Variants in GTF2IRD1 observed in about 807,000 individuals in gnomAD.
GTF2IRD1 encodes the protein GTF2I repeat domain containing 1, also known as general transcription factor II-I repeat domain-containing protein 1.
In GTF2IRD1, 26 loss-of-function variants were observed where a neutral mutation model predicts 113.2. The observed-to-expected ratio is 0.23, with a 90% CI of 0.17 to 0.32. The LOEUF (loss-of-function observed/expected upper bound fraction) is 0.32. Among genes scored for constraint, GTF2IRD1 ranks in the 10% least tolerant of loss-of-function variants. The probability of loss-of-function intolerance (pLI) is 1.00; values close to 1 mark genes in which losing one functional copy is unlikely to be tolerated. For missense variants in GTF2IRD1, 864 were observed against 1,280.8 expected (o/e 0.67, Z 4.97); for synonymous variants, 484 against 529.1 (o/e 0.91, Z 1.17).
At chr7:74,480,103 C>T (rs1794649856) in intron 1 of GTF2IRD1, among the ~76,000 whole-genome samples, 1 of 152,064 alleles carries the variant, frequency 6.6e-6, no homozygotes, top group Non-Finnish European at 1.5e-5. Flanking sequence ...CTTGTATACT[C>T]ATGTAACCAT....
chr7:74,455,297 G>A (rs1282461963), intron 1 of GTF2IRD1, among the ~76,000 whole-genome samples: 1 of 152,210 alleles, frequency 6.6e-6, no homozygotes, highest in East Asian at 1.9e-4. Context: ...GCAGGCCCCC[G>A]CAGTTTTTGG....
intron 24 of GTF2IRD1, among the ~76,000 whole-genome samples, chr7:74,591,332 T>C (rs1802048089): frequency 6.6e-6 from 1 of 150,550 alleles, no homozygotes; most frequent in Admixed American, 6.6e-5. Flanking sequence ...ATATTTATTA[T>C]ATATTTTAGA....
In GTF2IRD1 at chr7:74,515,342, C is replaced by T. The variant is rs1171374408; in HGVS notation, c.266-99C>T. ...TTCACTTGTGTATCACATTGTGTGC[C>T]AGTCTCCGCAGCTCAGCACAGGGCA... On this transcript the variant is annotated intron_variant, in intron 3 of 26. Transcript: ENST00000424337. 5 of 1,533,114 alleles carry T rather than the reference C, an allele frequency of 3.3e-6. No individual in the cohort carries two copies. In the African/African-American group the frequency reaches 6.8e-5, roughly 21 times the overall value. 95.0% of individuals were successfully genotyped at this position (1,533,114 alleles called of 1,614,324 possible). A position where few individuals can be genotyped will look rare whatever the true frequency, so the allele number is the denominator to read the frequency against.
chr7:74,515,538 TGGC>T lies in GTF2IRD1; in HGVS notation c.364_366del (p.Gly122del). 1 of 1,613,864 alleles carries T rather than the reference TGGC, an allele frequency of 6.2e-7. No individual in the cohort carries two copies. The highest frequency in any genetic ancestry group is 1.1e-5 in the South Asian group (1 of 91,064). ...GCCTCCCTCGGTCCTCCCTGGAACA[TGGC>T]TCAGATGTGTACCTTCTGCGGAAGA... is the stretch of plus-strand genomic sequence containing the variant. On this transcript the variant is annotated inframe_deletion, in exon 4 of 27. Coordinates refer to ENST00000424337, the MANE Select transcript of GTF2IRD1 (RefSeq NM_005685.4).
chr7:74,568,075 C>T (rs1554361244), intron 22 of GTF2IRD1, among the ~76,000 whole-genome samples: 1 of 150,982 alleles, frequency 6.6e-6, no homozygotes, highest in African/African-American at 2.5e-5. Context: ...ATATGACCCA[C>T]CACACCCAGC....
At position 74,601,030 on chromosome 7, in the gene GTF2IRD1, TC is replaced by T; in HGVS notation, c.2630-10del. ...TCAGCTTCCAGTGTCAACAGCCTTTTCCCCTCCTTCCAGCCAAAGACAGCAG... is the reference window on the plus strand; with the variant it reads ...TCAGCTTCCAGTGTCAACAGCCTTTTCCCTCCTTCCAGCCAAAGACAGCAG... On this transcript the variant is annotated splice_polypyrimidine_tract_variant and intron_variant, in intron 25 of 26. Transcript: ENST00000424337. The T allele has an allele frequency of 6.2e-7, 1 of 1,613,908 alleles. No homozygotes were observed. Among genetic ancestry groups the T allele is most frequent in the South Asian group, 1.1e-5 (1 of 91,060 alleles).
At chr7:74,569,328 T>A (rs1458439585) in intron 22 of GTF2IRD1, among the ~76,000 whole-genome samples, 1 of 152,196 alleles carries the variant, frequency 6.6e-6, no homozygotes, top group Non-Finnish European at 1.5e-5. Context: ...AGGTGGGTGC[T>A]GTTGTCCTTC....
intron 9 of GTF2IRD1, among the ~76,000 whole-genome samples, chr7:74,530,494 T>C: frequency 1.5e-5 from 1 of 65,992 alleles, no homozygotes; most frequent in Non-Finnish European, 2.8e-5. Flanking sequence ...CACTTTGTAA[T>C]TTTTTTTTTT....
intron 1 of GTF2IRD1, among the ~76,000 whole-genome samples, chr7:74,470,404 C>G (rs1398554249): frequency 2.6e-5 from 4 of 152,184 alleles, no homozygotes; most frequent in Non-Finnish European, 4.4e-5. Flanking sequence ...CCTGTTACCT[C>G]ATTAGCAGTC....
At chr7:74,534,034 A>G (rs1182483847) in intron 9 of GTF2IRD1, among the ~76,000 whole-genome samples, 1 of 151,990 alleles carries the variant, frequency 6.6e-6, no homozygotes, top group Non-Finnish European at 1.5e-5. Flanking sequence ...AACTCAAAAA[A>G]AAAAAAAAGG....
In GTF2IRD1 at chr7:74,583,614, A is replaced by G. The variant is rs181873206; in HGVS notation, c.2321-6237A>G. 4.5e-3 allele frequency among the ~76,000 whole-genome samples: 681 copies of G among 151,792 alleles called. 7 individuals are homozygous for G. The highest frequency in any genetic ancestry group is 4.1e-3 in the Non-Finnish European group (277 of 67,944). Reference sequence around the variant, plus strand: ...GCCAGCCCGGCCCCACTTTCCTGACATGCACACTCCCACCACTTCTGGTCC... The same window carrying G: ...GCCAGCCCGGCCCCACTTTCCTGACGTGCACACTCCCACCACTTCTGGTCC... On this transcript the variant is annotated intron_variant, in intron 22 of 26. Transcript: ENST00000424337.
rs186229440 is a variant in GTF2IRD1 at position 74,483,269 on chromosome 7, A to C, written c.-6-24806A>C. 3.3e-5 allele frequency among the ~76,000 whole-genome samples: 5 copies of C among 152,284 alleles called. No individual in the cohort carries two copies. The East Asian group carries it at 9.6e-4, about 29-fold the overall frequency. The stretch of plus-strand genomic sequence containing the variant: ...TTAAGATCTTATTTAGGCCGGTCAC[A>C]GTGGCTCATTCCTGTAATCCCAGCA... On this transcript the variant is annotated intron_variant, in intron 1 of 26. Transcript: ENST00000424337.
chr7:74,562,178 G>A (rs1800007665), intron 22 of GTF2IRD1, among the ~76,000 whole-genome samples: 1 of 152,216 alleles, frequency 6.6e-6, no homozygotes, highest in South Asian at 2.1e-4. Context: ...GCCTGGCCTG[G>A]GCCAGCACCG....
At chr7:74,468,585 G>A (rs1210365564) in intron 1 of GTF2IRD1, among the ~76,000 whole-genome samples, 3 of 150,150 alleles carry the variant, frequency 2.0e-5, no homozygotes, top group African/African-American at 4.9e-5. Context: ...CTTGAACCTC[G>A]GAGGCAGAGG....
intron 22 of GTF2IRD1, among the ~76,000 whole-genome samples, chr7:74,560,854 T>C (rs1554358836): frequency 6.6e-6 from 1 of 151,972 alleles, no homozygotes; most frequent in East Asian, 1.9e-4. Flanking sequence ...GTGCTGGGAT[T>C]ACAGGCATGA....
intron 1 of GTF2IRD1, among the ~76,000 whole-genome samples, chr7:74,454,529 G>T (rs1332995228): frequency 6.6e-6 from 1 of 152,040 alleles, no homozygotes; most frequent in African/African-American, 2.4e-5. Flanking sequence ...CGCGCTGCCC[G>T]CGGTGGCGGG....
chr7:74,507,381 A>G (rs1796357482), intron 1 of GTF2IRD1: 2 of 152,228 alleles, frequency 1.3e-5, no homozygotes, highest in Non-Finnish European at 2.9e-5. Context: ...CTGAGGCAGG[A>G]GAATCACTCG....
rs781850586 is a variant in GTF2IRD1, at chr7:74,591,028, G to A, written c.2591+11G>A. 5.0e-6 allele frequency: 8 copies of A among 1,596,304 alleles called. No individual in the cohort carries two copies. The highest frequency in any genetic ancestry group is 4.0e-5 in the African/African-American group (3 of 74,486). On this transcript the variant is annotated intron_variant, in intron 24 of 26. Coordinates refer to ENST00000424337, the MANE Select transcript of GTF2IRD1 (RefSeq NM_005685.4). ...CATTAACCAGCTCCAGTGAGTGCCC[G>A]GCCTCTGGAACGGGGAACAGAGAGG... is the stretch of plus-strand genomic sequence containing the variant.
At chr7:74,568,727 C>G (rs7809575) in intron 22 of GTF2IRD1, among the ~76,000 whole-genome samples, 96,155 of 152,112 alleles carry the variant, frequency 0.63, 31,075 homozygotes, top group Non-Finnish European at 0.69. Context: ...GCAAGCTCCT[C>G]TCTGCCTGCT....
Sources: allele counts gnomAD v4.1 joint callset (sites outside exome capture counted in the v4.1 genomes callset), GRCh38; gene constraint gnomAD v4.1.1; transcripts MANE v1.5; gene names NCBI Gene and HGNC (gene_info 2026-07-23, HGNC 2026-07-21).